Variants in TTLL7 observed in about 807,000 individuals in gnomAD.
The protein encoded by TTLL7 is tubulin tyrosine ligase like 7.
In TTLL7, 53 loss-of-function variants were observed where a neutral mutation model predicts 120.2. The observed-to-expected ratio is 0.44, with a 90% CI of 0.35 to 0.55. The LOEUF (loss-of-function observed/expected upper bound fraction) is 0.55, where lower values mean the gene tolerates loss of function less well. Ranked by LOEUF, TTLL7 falls within the 20% of genes least tolerant of loss-of-function variation. The pLI is 0.00. For synonymous variants in TTLL7, 353 were observed against 351.7 expected (o/e 1.00, Z -0.04); for missense variants, 803 against 1,054.7 (o/e 0.76, Z 3.31).
At position 83,907,477 on chromosome 1, in the gene TTLL7, G is replaced by A; in HGVS notation, c.1971C>T (p.Ala657=). 1 of 1,612,850 alleles carries A rather than the reference G, an allele frequency of 6.2e-7. No individual in the cohort carries two copies. The highest frequency in any genetic ancestry group is 8.5e-7 in the Non-Finnish European group (1 of 1,179,230). ...YMRHLPHSND[A]CSTNSQVSES... is the part of the protein sequence containing the mutation. ...CTACCACTTGAGAGTTGGTAGAGCA[G>A]GCATCATTACTGTGAGGCAGATGCC... Residue 657 remains alanine (A), a synonymous_variant, in exon 16 of 21, where the codon GCC becomes GCT. Coordinates refer to ENST00000260505, the MANE Select transcript of TTLL7 (RefSeq NM_024686.6).
chr1:83,988,475 T>C (rs1230113009), intron 1 of TTLL7, among the ~76,000 whole-genome samples: 1 of 152,254 alleles, frequency 6.6e-6, no homozygotes, highest in Non-Finnish European at 1.5e-5. Context: ...CTTTCCACAG[T>C]GACTGAACTA....
intron 14 of TTLL7, among the ~76,000 whole-genome samples, chr1:83,915,640 A>G (rs1047222466): frequency 6.6e-6 from 1 of 152,164 alleles, no homozygotes; most frequent in East Asian, 1.9e-4. Context: ...AAATTGACAA[A>G]TGGGATCTAA....
chr1:83,889,031 G>A (rs1002718019), intron 19 of TTLL7, among the ~76,000 whole-genome samples: 5 of 151,806 alleles, frequency 3.3e-5, no homozygotes, highest in East Asian at 1.9e-4. Flanking sequence ...GTCCATTCTC[G>A]CACTGCTAAA....
chr1:83,896,480 G>T lies in TTLL7; in HGVS notation c.2209-5999C>A, dbSNP rs572664591. 2.0e-5 allele frequency among the ~76,000 whole-genome samples: 3 copies of T among 152,142 alleles called. No homozygotes were observed. The South Asian group carries it at 6.2e-4, about 32-fold the overall frequency. Reference sequence around the variant, plus strand: ...TGGTCCTAAATTAAAATAATGGCACGAGGTGAAGGCGGTTTAGAAATAACA... The same window carrying T: ...TGGTCCTAAATTAAAATAATGGCACTAGGTGAAGGCGGTTTAGAAATAACA... On this transcript the variant is annotated intron_variant, in intron 18 of 20. Transcript: ENST00000260505.
intron 19 of TTLL7, chr1:83,885,216 G>T: frequency 6.4e-6 from 1 of 157,314 alleles, no homozygotes; most frequent in Non-Finnish European, 1.4e-5. Flanking sequence ...TGTCTGCCTG[G>T]CACTTTTCTT....
chr1:83,884,236 C>T (rs1239861417), intron 19 of TTLL7, among the ~76,000 whole-genome samples: 2 of 151,758 alleles, frequency 1.3e-5, no homozygotes, highest in Non-Finnish European at 2.9e-5. Context: ...TGGTTTGAGA[C>T]TTGGTAATGA....
intron 1 of TTLL7, among the ~76,000 whole-genome samples, chr1:83,955,820 G>A (rs1227442405): frequency 6.6e-6 from 1 of 152,072 alleles, no homozygotes; most frequent in Non-Finnish European, 1.5e-5. Context: ...TTTGAGACCA[G>A]CCTGAGCAAC....
chr1:83,874,568 C>G (rs1653742072), intron 20 of TTLL7, among the ~76,000 whole-genome samples: 2 of 152,072 alleles, frequency 1.3e-5, no homozygotes, highest in African/African-American at 4.8e-5. Context: ...CTACAACTGC[C>G]ACACAGTTTT....
rs1389351650 is a variant in TTLL7 at position 83,865,778 on chromosome 1, A to G, written c.*4184T>C. 1.3e-5 allele frequency: 2 copies of G among 151,990 alleles called. No individual in the cohort carries two copies. The highest frequency in any genetic ancestry group is 1.3e-4 in the Admixed American group (2 of 15,250). 9.4% of individuals were successfully genotyped at this position (151,990 alleles called of 1,614,324 possible). A position where few individuals can be genotyped will look rare whatever the true frequency, so the allele number is the denominator to read the frequency against. ...ATTGCTGAGGCAAAATCACACCACCATAAAATGCAAGGAAAACCAATGTTT... is the reference window on the plus strand; with the variant it reads ...ATTGCTGAGGCAAAATCACACCACCGTAAAATGCAAGGAAAACCAATGTTT... On this transcript the variant is annotated 3_prime_UTR_variant, in exon 21 of 21. Transcript: ENST00000260505.
At chr1:83,990,633 C>T (rs888297014) in intron 1 of TTLL7, among the ~76,000 whole-genome samples, 6 of 152,130 alleles carry the variant, frequency 3.9e-5, no homozygotes, top group Admixed American at 1.3e-4. Flanking sequence ...AAGAGAAATA[C>T]AAATCAAATC....
chr1:83,875,400 A>T (rs1238702073), intron 20 of TTLL7, among the ~76,000 whole-genome samples: 2 of 151,896 alleles, frequency 1.3e-5, no homozygotes, highest in African/African-American at 4.8e-5. Flanking sequence ...ATAATATTCC[A>T]TTGTATGAAT....
Position 83,999,014 on chromosome 1 carries a change from G to A in TTLL7, c.-260C>T, listed in dbSNP as rs1256322884. On this transcript the variant is annotated 5_prime_UTR_variant, in exon 1 of 21. The change creates a new upstream start codon in the 5' untranslated region. Coordinates refer to ENST00000260505, the MANE Select transcript of TTLL7 (RefSeq NM_024686.6). ...TGCTCCCGCGCCTCGCAGCTTCCCC[G>A]TGGGCGGCCGCCCCGACTCGGCAGC... The A allele has an allele frequency of 2.3e-6, 1 of 444,244 alleles. No individual in the cohort carries two copies. The highest frequency in any genetic ancestry group is 1.6e-5 in the South Asian group (1 of 62,526). 27.5% of individuals were successfully genotyped at this position (444,244 alleles called of 1,614,324 possible).
At position 83,868,160 on chromosome 1, in the gene TTLL7, G is replaced by T. The variant is rs995135896; in HGVS notation, c.*1802C>A. 1.3e-5 allele frequency: 2 copies of T among 152,160 alleles called. No individual in the cohort carries two copies. Among genetic ancestry groups the T allele is most frequent in the African/African-American group, 4.8e-5 (2 of 41,438 alleles). 9.4% of individuals were successfully genotyped at this position (152,160 alleles called of 1,614,324 possible). ...TAACTTTAGGTTGCCAATTCTTCAG[G>T]CTGTGAATTAAACCAGGCCAATTTG... On this transcript the variant is annotated 3_prime_UTR_variant, in exon 21 of 21. Coordinates refer to ENST00000260505, the MANE Select transcript of TTLL7 (RefSeq NM_024686.6).
intron 10 of TTLL7, among the ~76,000 whole-genome samples, chr1:83,927,615 G>A (rs1033383952): frequency 1.3e-5 from 2 of 152,082 alleles, no homozygotes; most frequent in African/African-American, 4.8e-5. Context: ...AGAAGCTTAG[G>A]CTACATGTTG....
intron 6 of TTLL7, among the ~76,000 whole-genome samples, chr1:83,943,187 G>C (rs1027369049): frequency 5.9e-5 from 9 of 152,248 alleles, no homozygotes; most frequent in African/African-American, 2.2e-4. Context: ...AAATGTATTA[G>C]TCACTACTAT....
chr1:83,889,100 T>A (rs1452137544), intron 19 of TTLL7, among the ~76,000 whole-genome samples: 2 of 152,090 alleles, frequency 1.3e-5, no homozygotes, highest in African/African-American at 4.8e-5. Flanking sequence ...GACTCATAGT[T>A]CAGCATGGCT....
intron 7 of TTLL7, among the ~76,000 whole-genome samples, chr1:83,941,530 CA>C (rs1210370966): frequency 1.3e-5 from 2 of 152,034 alleles, no homozygotes; most frequent in Admixed American, 6.5e-5. Context: ...AACATAGTAC[CA>C]TTTATGATCA....
intron 1 of TTLL7, among the ~76,000 whole-genome samples, chr1:83,994,260 C>A (rs1364452771): frequency 6.6e-6 from 1 of 152,218 alleles, no homozygotes; most frequent in Non-Finnish European, 1.5e-5. Flanking sequence ...TCTCTGCTCC[C>A]TAGTTGTGCC....
At chr1:83,945,784 T>TA (rs1275613320) in intron 6 of TTLL7, among the ~76,000 whole-genome samples, 1 of 151,848 alleles carries the variant, frequency 6.6e-6, no homozygotes, top group Non-Finnish European at 1.5e-5. Context: ...ATTTTTAACA[T>TA]TAAAATTGAG....
Sources: gnomAD v4.1 joint callset for allele counts (sites outside exome capture counted in the v4.1 genomes callset) on GRCh38, gnomAD v4.1.1 for gene constraint, MANE v1.5 for transcripts, NCBI Gene and HGNC (gene_info 2026-07-23, HGNC 2026-07-21) for gene names.